The following ZSCAN5A variants were observed in gnomAD, a reference collection of about 807,000 sequenced individuals.
ZSCAN5A encodes the protein zinc finger and SCAN domain containing 5A.
Under a neutral mutation model 23.7 loss-of-function variants are expected in ZSCAN5A, and 12 were observed. The observed-to-expected ratio is 0.51, with a 90% CI of 0.32 to 0.82. The LOEUF (loss-of-function observed/expected upper bound fraction) is 0.82. Ranked by LOEUF, ZSCAN5A falls within the 40% of genes least tolerant of loss-of-function variation. The pLI, the probability that ZSCAN5A is intolerant of heterozygous loss-of-function variation, is 0.03. For missense variants in ZSCAN5A, 597 were observed against 617.9 expected (o/e 0.97, Z 0.36); for synonymous variants, 257 against 239.9 (o/e 1.07, Z -0.66).
chr19:56,279,199 C>T (rs1163624292), intron 2 of ZSCAN5A, among the ~76,000 whole-genome samples: 1 of 152,158 alleles, frequency 6.6e-6, no homozygotes, highest in Non-Finnish European at 1.5e-5. Flanking sequence ...ATCTCAGGGA[C>T]CACCTCCCAC....
rs1416325075 is a variant in ZSCAN5A at position 56,223,765 on chromosome 19, A to C, written c.454T>G (p.Ser152Ala). The change falls in exon 4 of 6, where the codon TCC becomes GCC. Residue 152 changes from serine to alanine, a missense_variant. Physicochemically the swap from Ser to Ala is moderately conservative, Grantham distance 99 (BLOSUM62 1). This residue lies in a region of ZSCAN5A where 406 missense variants were observed against 353.2 expected (regional missense o/e 1.15). Coordinates refer to ENST00000683990, the MANE Select transcript of ZSCAN5A (RefSeq NM_001322064.3). ...TCTTTCAGATCATCTCTGACACTGG[A>C]GGGGGCTTCAGCCATCTCGATATCT... is the stretch of plus-strand genomic sequence containing the variant. Reference protein sequence around the residue: ...DSDIEMAEAPSSVRDDLKDVS... With the variant: ...DSDIEMAEAPASVRDDLKDVS... The C allele has an allele frequency of 8.1e-6, 13 of 1,613,806 alleles. No homozygotes were observed. The highest frequency in any genetic ancestry group is 1.1e-5 in the Non-Finnish European group (13 of 1,179,982).
At position 56,244,093 on chromosome 19, in the gene ZSCAN5A, C is replaced by A. The variant is rs184807161; in HGVS notation, c.-127-18920G>T. 101 of 1,399,260 alleles carry A rather than the reference C, an allele frequency of 7.2e-5. 1 individual carries two copies. The highest frequency in any genetic ancestry group is 5.3e-4 in the Middle Eastern group (3 of 5,624). 86.7% of individuals were successfully genotyped at this position (1,399,260 alleles called of 1,614,324 possible). ...GGGGTCAGGGAGGACCCTGCAACAG[C>A]CCTGAGTCAGAGCCGCCACAGTCTG... On this transcript the variant is annotated intron_variant, in intron 2 of 5. Coordinates refer to ENST00000683990, the MANE Select transcript of ZSCAN5A (RefSeq NM_001322064.3).
At chr19:56,228,545 A>G (rs941685061) in intron 2 of ZSCAN5A, 31 of 796,564 alleles carry the variant, frequency 3.9e-5, no homozygotes, top group Non-Finnish European at 4.4e-5. Context: ...TGGCCTCAGA[A>G]AATATAGATT....
At chr19:56,234,456 T>C (rs945721372) in intron 2 of ZSCAN5A, among the ~76,000 whole-genome samples, 4 of 151,956 alleles carry the variant, frequency 2.6e-5, no homozygotes, top group Non-Finnish European at 5.9e-5. Flanking sequence ...AGAGAGACCC[T>C]CTCATATTGT....
chr19:56,345,761 A>G (rs1024086789), intron 2 of ZSCAN5A, among the ~76,000 whole-genome samples: 1 of 152,218 alleles, frequency 6.6e-6, no homozygotes, highest in Non-Finnish European at 1.5e-5. Flanking sequence ...AGGCTAGACC[A>G]TGTGATGTTT....
intron 2 of ZSCAN5A, among the ~76,000 whole-genome samples, chr19:56,249,555 C>T (rs558077096): frequency 1.4e-4 from 21 of 152,260 alleles, no homozygotes; most frequent in African/African-American, 4.8e-4. Flanking sequence ...TACATGAGCA[C>T]GAGCCGCCAT....
intron 2 of ZSCAN5A, chr19:56,282,577 G>A (rs1020377510): frequency 1.1e-6 from 1 of 888,432 alleles, no homozygotes; most frequent in Non-Finnish European, 1.3e-6. Flanking sequence ...GCTGAACTTC[G>A]ACTTACGTTT....
chr19:56,350,920 G>C (rs1173471523), intron 2 of ZSCAN5A, among the ~76,000 whole-genome samples: 2 of 151,744 alleles, frequency 1.3e-5, no homozygotes, highest in African/African-American at 4.8e-5. Context: ...GGTGCTGTGA[G>C]CTGAGCCACA....
intron 2 of ZSCAN5A, among the ~76,000 whole-genome samples, chr19:56,302,607 CTCTCCCTCT>C (rs2040400862): frequency 9.4e-6 from 1 of 105,828 alleles, no homozygotes; most frequent in Non-Finnish European, 1.9e-5. Context: ...CCTCTTCTTC[CTCTCCCTCT>C]TCCTCCCTCC....
At chr19:56,223,502 G>C in intron 4 of ZSCAN5A, 129 bp downstream of exon 4, 1 of 926,636 alleles carries the variant, frequency 1.1e-6, no homozygotes, top group Non-Finnish European at 1.6e-6. Flanking sequence ...GTTTGGGGAT[G>C]TATCATGTCC....
In ZSCAN5A at chr19:56,354,299, T is replaced by TTTTTTTTTTTTGAG. The variant is rs1358000805; in HGVS notation, c.-358+8935_-358+8936insCTCAAAAAAAAAAA. Among the ~76,000 whole-genome samples the TTTTTTTTTTTTGAG allele has an allele frequency of 2.6e-5, 4 of 152,216 alleles. No individual in the cohort carries two copies. The East Asian group carries it at 7.8e-4, about 30-fold the overall frequency. The stretch of plus-strand genomic sequence containing the variant: ...GCCAGTCAATTGTTTGTTTGTATTT[T>TTTTTTTTTTTTGAG]ACCACAATTTAACATTTTAAAAGTT... On this transcript the variant is annotated intron_variant, in intron 2 of 6. Transcript: ENST00000587340.
upstream of ZSCAN5A, chr19:56,316,473 T>C (rs2041315114): frequency 6.5e-6 from 1 of 153,196 alleles, no homozygotes; most frequent in Non-Finnish European, 1.5e-5. Flanking sequence ...TTATGGTTTT[T>C]TAAATTTGAA....
chr19:56,342,896 C>T, intron 2 of ZSCAN5A: 1 of 1,031,476 alleles, frequency 9.7e-7, no homozygotes, highest in Non-Finnish European at 1.5e-6. Context: ...GGTAGTCTCC[C>T]CATCCTGAGG....
chr19:56,313,626 TA>T (rs2041182561), intron 1 of ZSCAN5A, among the ~76,000 whole-genome samples: 1 of 152,256 alleles, frequency 6.6e-6, no homozygotes. Flanking sequence ...AACTAATTTT[TA>T]AACTAGCTTT....
At chr19:56,360,893 G>C (rs761779457) in intron 2 of ZSCAN5A, among the ~76,000 whole-genome samples, 1 of 152,152 alleles carries the variant, frequency 6.6e-6, no homozygotes, top group Non-Finnish European at 1.5e-5. Flanking sequence ...TATCATCAGA[G>C]TGAATAAGCA....
At chr19:56,348,939 C>CA (rs1374209126) in intron 2 of ZSCAN5A, among the ~76,000 whole-genome samples, 3 of 152,162 alleles carry the variant, frequency 2.0e-5, no homozygotes, top group Non-Finnish European at 2.9e-5. Context: ...TATTCCCCTA[C>CA]AAAAATAGAA....
intron 2 of ZSCAN5A, among the ~76,000 whole-genome samples, chr19:56,285,728 C>T (rs1303181792): frequency 1.3e-4 from 20 of 152,176 alleles, no homozygotes; most frequent in Admixed American, 1.3e-3. Flanking sequence ...ATCCGCCCGC[C>T]TTGGCCTCCC....
chr19:56,284,901 A>C, intron 2 of ZSCAN5A: 32 of 498,158 alleles, frequency 6.4e-5, no homozygotes, highest in East Asian at 1.5e-4. Context: ...TTCCTGAAGA[A>C]GAGTTTGTTA....
chr19:56,283,986 C>G (rs1382922026), intron 2 of ZSCAN5A: 1 of 155,548 alleles, frequency 6.4e-6, no homozygotes, highest in East Asian at 1.9e-4. Context: ...CCTCAATAAT[C>G]TCACAGCGTT....
Sources: allele counts gnomAD v4.1 joint callset (sites outside exome capture counted in the v4.1 genomes callset), GRCh38; gene constraint gnomAD v4.1.1; regional missense constraint gnomAD v4.1.1; transcripts MANE v1.5; gene names NCBI Gene and HGNC (gene_info 2026-07-23, HGNC 2026-07-21).